WIPF2: variants seen among roughly 807,000 people sequenced by gnomAD.
WIPF2 encodes the protein WAS/WASL-interacting protein family member 2.
WIPF2 carries 23 observed loss-of-function variants against 38.8 expected under a neutral mutation model. The observed-to-expected ratio is 0.59, with a 90% CI of 0.43 to 0.84. The LOEUF is 0.84. Among genes scored for constraint, WIPF2 ranks in the 40% least tolerant of loss-of-function variants. The pLI, the probability that WIPF2 is intolerant of heterozygous loss-of-function variation, is 0.00. For missense variants in WIPF2, 574 were observed against 580.5 expected, an observed-to-expected ratio of 0.99 and a Z score of 0.11; for synonymous variants, 210 against 223.2, an observed-to-expected ratio of 0.94 and a Z score of 0.53.
chr17:40,226,207 AAT>A (rs541165056), intron 1 of WIPF2, among the ~76,000 whole-genome samples: 11,386 of 141,926 alleles, frequency 0.08, 365 homozygotes, highest in East Asian at 0.22. Flanking sequence ...AAAAAAAAAA[AAT>A]TTTTTTTTTT....
intron 1 of WIPF2, among the ~76,000 whole-genome samples, chr17:40,248,292 A>G (rs1026979030): frequency 8.7e-5 from 13 of 149,618 alleles, no homozygotes; most frequent in African/African-American, 3.0e-4. Context: ...AGCCTCCCAA[A>G]TAGCTGGGAT....
rs1291582045 is a variant in WIPF2, at chr17:40,273,831, G to A, written c.1012G>A (p.Asp338Asn). 6.2e-7 allele frequency: 1 copy of A among 1,605,726 alleles called. No homozygotes were observed. Among genetic ancestry groups the A allele is most frequent in the East Asian group, 2.3e-5 (1 of 44,336 alleles). ...PPPVIRNGAR[D>N]APPPPPPYRM... ...ACCTGTGATCCGAAATGGTGCCAGG[G>A]ATGCTCCCCCTCCCCCACCACCATA... Residue 338 changes from aspartate to asparagine, a missense_variant, in exon 6 of 8, where the codon GAT becomes AAT. Coordinates refer to ENST00000323571, the MANE Select transcript of WIPF2 (RefSeq NM_133264.5).
chr17:40,244,908 C>G (rs1355331123), intron 1 of WIPF2, among the ~76,000 whole-genome samples: 1 of 152,192 alleles, frequency 6.6e-6, no homozygotes, highest in Non-Finnish European at 1.5e-5. Context: ...GGCCCTTTCC[C>G]TGTGACTGTA....
intron 1 of WIPF2, among the ~76,000 whole-genome samples, chr17:40,220,076 A>G (rs909638222): frequency 6.6e-6 from 1 of 151,844 alleles, no homozygotes; most frequent in African/African-American, 2.4e-5. Flanking sequence ...GAATGTTAAG[A>G]TGCGCATTGG....
At chr17:40,274,699 T>TGG (rs1281954251) in intron 6 of WIPF2, among the ~76,000 whole-genome samples, 1 of 150,764 alleles carries the variant, frequency 6.6e-6, no homozygotes, top group Non-Finnish European at 1.5e-5. Context: ...CCCAGCACTT[T>TGG]GGGAGGCCAA....
chr17:40,256,575 T>G, intron 2 of WIPF2, 53 bp downstream of exon 2: 1 of 1,547,398 alleles, frequency 6.5e-7, no homozygotes. Flanking sequence ...AATAGGTTGA[T>G]GGTCCTCACA....
intron 1 of WIPF2, among the ~76,000 whole-genome samples, chr17:40,244,785 G>T (rs751656238): frequency 2.0e-5 from 3 of 152,072 alleles, no homozygotes; most frequent in Non-Finnish European, 4.4e-5. Flanking sequence ...TCCCATGTTA[G>T]AATTTTTTCA....
At chr17:40,254,256 G>A (rs901749703) in intron 1 of WIPF2, among the ~76,000 whole-genome samples, 4 of 152,004 alleles carry the variant, frequency 2.6e-5, no homozygotes, top group Non-Finnish European at 5.9e-5. Context: ...GGCTCAAGCC[G>A]TCTTCCTTTC....
rs568331445 is a variant in WIPF2, at chr17:40,264,855, C to A, written c.679C>A (p.Pro227Thr). ...LHPGREGPPA[P>T]PPVKPPPSPV... Reference sequence around the variant, plus strand: ...CCCTGGTCGAGAGGGACCTCCTGCTCCACCCCCAGTCAAACCACCTCCTTC... The same window carrying A: ...CCCTGGTCGAGAGGGACCTCCTGCTACACCCCCAGTCAAACCACCTCCTTC... Residue 227 changes from proline (P) to threonine (T), a missense_variant, in exon 5 of 8, where the codon CCA (proline) becomes ACA (threonine). Transcript: ENST00000323571. The A allele has an allele frequency of 6.2e-7, 1 of 1,614,074 alleles. No individual in the cohort carries two copies. The highest frequency in any genetic ancestry group is 8.5e-7 in the Non-Finnish European group (1 of 1,180,056).
chr17:40,252,088 T>G (rs747261415), intron 1 of WIPF2, among the ~76,000 whole-genome samples: 8 of 152,208 alleles, frequency 5.3e-5, no homozygotes, highest in Non-Finnish European at 1.2e-4. Context: ...CTGATGAATC[T>G]GTTTTTCAAT....
chr17:40,278,084 G>A (rs539001327), intron 7 of WIPF2, 101 bp from the exon 8 acceptor site: 15 of 1,365,890 alleles, frequency 1.1e-5, no homozygotes, highest in South Asian at 2.5e-5. Flanking sequence ...GATTTTAAAG[G>A]TTAGCTTAAA....
intron 1 of WIPF2, among the ~76,000 whole-genome samples, chr17:40,252,659 C>CAA (rs751249426): frequency 9.6e-5 from 11 of 114,322 alleles, no homozygotes; most frequent in South Asian, 2.8e-4. Flanking sequence ...GACTCTGTCT[C>CAA]AAAAAAAAAA....
chr17:40,274,147 AG>A, intron 6 of WIPF2, 148 bp downstream of exon 6: 2 of 605,630 alleles, frequency 3.3e-6, no homozygotes, highest in Non-Finnish European at 5.4e-6. Flanking sequence ...TCATCCTCAG[AG>A]GTATGGGCTG....
chr17:40,224,897 G>A (rs957258000), intron 1 of WIPF2, among the ~76,000 whole-genome samples: 2 of 151,914 alleles, frequency 1.3e-5, no homozygotes, highest in African/African-American at 4.8e-5. Context: ...CTTCTTGAGT[G>A]TGATTGTTGA....
intron 2 of WIPF2, among the ~76,000 whole-genome samples, chr17:40,258,799 A>T (rs2031808449): frequency 6.6e-6 from 1 of 151,652 alleles, no homozygotes; most frequent in African/African-American, 2.4e-5. Context: ...TTAATTAATG[A>T]GACAGAGTCT....
At chr17:40,260,766 G>C in intron 3 of WIPF2, 99 bp downstream of exon 3, 14 of 1,497,754 alleles carry the variant, frequency 9.3e-6, no homozygotes, top group Non-Finnish European at 1.2e-5. Flanking sequence ...GAGTGGGAGA[G>C]TTTTGTCCTG....
chr17:40,262,523 A>C lies in WIPF2; in HGVS notation c.197-2A>C. On this transcript the variant is annotated splice_acceptor_variant, in intron 3 of 7. Transcript: ENST00000323571. LOFTEE classifies it high-confidence loss of function. ...TGAAAACCCTACTGGTATGCTTTCC[A>C]GAGCCGAAAGGAAGCAGTGGTGGCT... is the stretch of plus-strand genomic sequence containing the variant. 1 of 1,613,370 alleles carries C rather than the reference A, an allele frequency of 6.2e-7. No individual in the cohort carries two copies. The highest frequency in any genetic ancestry group is 8.5e-7 in the Non-Finnish European group (1 of 1,179,418).
rs2032020152 is a variant in WIPF2 at position 40,264,626 on chromosome 17, G to T, written c.450G>T (p.Arg150=). ...GGGCCTCACTCCCAGAACTGCCCCG[G>T]ATGCAGAGACCCTCTTTACCGGACC... ...SSRASLPELP[R]MQRPSLPDLS... The change falls in exon 5 of 8, where the codon CGG becomes CGT. Residue 150 remains arginine (R), a synonymous_variant. Coordinates refer to ENST00000323571, the MANE Select transcript of WIPF2 (RefSeq NM_133264.5). 1 of 1,614,080 alleles carries T rather than the reference G, an allele frequency of 6.2e-7. No homozygotes were observed.
At chr17:40,227,629 G>A (rs1208304444) in intron 1 of WIPF2, among the ~76,000 whole-genome samples, 4 of 151,954 alleles carry the variant, frequency 2.6e-5, no homozygotes, top group Admixed American at 2.6e-4. Flanking sequence ...GAGGCGGGCG[G>A]ATCACCTGAG....
Sources: gnomAD v4.1 joint callset for allele counts (sites outside exome capture counted in the v4.1 genomes callset) on GRCh38, gnomAD v4.1.1 for gene constraint, MANE v1.5 for transcripts, NCBI Gene and HGNC (gene_info 2026-07-23, HGNC 2026-07-21) for gene names.